The following GLCCI1 variants were observed in gnomAD, a reference collection of about 807,000 sequenced individuals.
The protein encoded by GLCCI1 is glucocorticoid induced 1.
In GLCCI1, 24 loss-of-function variants were observed where a neutral mutation model predicts 52.2. The observed-to-expected ratio is 0.46, with a 90% CI of 0.33 to 0.65. The LOEUF (loss-of-function observed/expected upper bound fraction) is 0.65. GLCCI1 is among the 30% of genes least tolerant of loss of function. The probability of loss-of-function intolerance (pLI) is 0.02; values close to 1 mark genes in which losing one functional copy is unlikely to be tolerated. For synonymous variants in GLCCI1, 310 were observed against 276.5 expected (o/e 1.12, Z -1.20); for missense variants, 704 against 701.5 (o/e 1.00, Z -0.04).
intron 3 of GLCCI1, among the ~76,000 whole-genome samples, chr7:8,033,438 G>A (rs773512272): frequency 2.6e-5 from 4 of 151,864 alleles, no homozygotes; most frequent in Admixed American, 6.6e-5. Flanking sequence ...AAAGACATTC[G>A]GATTGTAAAG....
At chr7:8,043,518 A>G (rs1372917759) in intron 3 of GLCCI1, among the ~76,000 whole-genome samples, 1 of 152,240 alleles carries the variant, frequency 6.6e-6, no homozygotes, top group Non-Finnish European at 1.5e-5. Context: ...AAATTGCAGA[A>G]AAGGCAAATC....
intron 3 of GLCCI1, among the ~76,000 whole-genome samples, chr7:8,051,601 C>CCTT (rs565251541): frequency 5.6e-4 from 86 of 152,268 alleles, no homozygotes; most frequent in African/African-American, 1.9e-3. Context: ...AAAAGAACAC[C>CCTT]CTTCACCCCC....
At chr7:8,007,666 A>G (rs1022382854) in intron 2 of GLCCI1, among the ~76,000 whole-genome samples, 6 of 152,172 alleles carry the variant, frequency 3.9e-5, no homozygotes, top group Non-Finnish European at 8.8e-5. Flanking sequence ...TGTAGTGGAC[A>G]TTGGTGGAAG....
intron 3 of GLCCI1, among the ~76,000 whole-genome samples, chr7:8,051,182 A>G (rs1025674037): frequency 6.6e-6 from 1 of 152,234 alleles, no homozygotes; most frequent in Admixed American, 6.5e-5. Context: ...AATTTCTATT[A>G]TAGGAATATC....
rs145140002 is a variant in GLCCI1 at position 7,999,510 on chromosome 7, C to T, written c.458-4398C>T. On this transcript the variant is annotated intron_variant, in intron 1 of 7. Coordinates refer to ENST00000223145, the MANE Select transcript of GLCCI1 (RefSeq NM_138426.4). Reference sequence around the variant, plus strand: ...ATAGTCCTAACTACTGTAGAGCTGACGTGGGAGGATAGCTTGAGCCCAGGA... The same window carrying T: ...ATAGTCCTAACTACTGTAGAGCTGATGTGGGAGGATAGCTTGAGCCCAGGA... Among the ~76,000 whole-genome samples the T allele has an allele frequency of 6.1e-3, 926 of 152,086 alleles. 11 individuals are homozygous for T. The highest frequency in any genetic ancestry group is 0.019 in the African/African-American group (790 of 41,488).
chr7:8,051,276 G>A (rs757187302), intron 3 of GLCCI1, among the ~76,000 whole-genome samples: 3 of 152,240 alleles, frequency 2.0e-5, no homozygotes, highest in Non-Finnish European at 2.9e-5. Flanking sequence ...TGTATTTGCA[G>A]AGGTCTTCTA....
At chr7:8,000,727 A>G (rs573610491) in intron 1 of GLCCI1, among the ~76,000 whole-genome samples, 1 of 380 alleles carries the variant, frequency 2.6e-3, no homozygotes, top group Non-Finnish European at 4.5e-3. Flanking sequence ...GACAAATTAT[A>G]ATATGATGCA....
At chr7:8,040,889 G>A (rs1222996563) in intron 3 of GLCCI1, among the ~76,000 whole-genome samples, 2 of 152,084 alleles carry the variant, frequency 1.3e-5, no homozygotes, top group Non-Finnish European at 1.5e-5. Context: ...CTTATTTCCT[G>A]AGACACAATA....
intron 2 of GLCCI1, among the ~76,000 whole-genome samples, chr7:8,014,522 T>G (rs529458440): frequency 4.1e-4 from 62 of 152,354 alleles, no homozygotes; most frequent in Admixed American, 1.0e-3. Context: ...TATTCAGCAA[T>G]GAGTTCTTAA....
At chr7:7,978,716 T>C (rs1780549456) in intron 1 of GLCCI1, among the ~76,000 whole-genome samples, 1 of 152,158 alleles carries the variant, frequency 6.6e-6, no homozygotes, top group African/African-American at 2.4e-5. Context: ...ACTTTTCTAG[T>C]TAAATATATC....
intron 5 of GLCCI1, among the ~76,000 whole-genome samples, chr7:8,063,083 C>CAGT (rs1782551834): frequency 6.6e-6 from 1 of 152,178 alleles, no homozygotes; most frequent in African/African-American, 2.4e-5. Flanking sequence ...TTCCCACCAG[C>CAGT]AGTGTATAAG....
rs1232699050 is a variant in GLCCI1, at chr7:8,088,173, G to A, written c.*1635G>A. 3 of 152,024 alleles carry A rather than the reference G, an allele frequency of 2.0e-5. No individual in the cohort carries two copies. The highest frequency in any genetic ancestry group is 4.4e-5 in the Non-Finnish European group (3 of 67,978). 9.4% of individuals were successfully genotyped at this position (152,024 alleles called of 1,614,324 possible). The stretch of plus-strand genomic sequence containing the variant: ...TTTTCTAAGAAGGTTGAAGAAGGAT[G>A]AGTGATAGAGAAGAAAGCAACACCA... On this transcript the variant is annotated 3_prime_UTR_variant, in exon 8 of 8. Coordinates refer to ENST00000223145, the MANE Select transcript of GLCCI1 (RefSeq NM_138426.4).
intron 3 of GLCCI1, among the ~76,000 whole-genome samples, chr7:8,039,692 G>A (rs558540510): frequency 1.3e-5 from 2 of 152,218 alleles, no homozygotes; most frequent in East Asian, 1.9e-4. Context: ...TTAGGTGATG[G>A]TTCCACTAAA....
rs117057341 is a variant in GLCCI1 at position 8,031,911 on chromosome 7, T to C, written c.696+9342T>C. ...AAGGAACTTAAAACAATCATAAGGA[T>C]ATATGCATCTAACATCTGCATTTCA... On this transcript the variant is annotated intron_variant, in intron 3 of 7. Coordinates refer to ENST00000223145, the MANE Select transcript of GLCCI1 (RefSeq NM_138426.4). 8.5e-5 allele frequency among the ~76,000 whole-genome samples: 13 copies of C among 152,140 alleles called. No homozygotes were observed. In the East Asian group the frequency reaches 2.3e-3, roughly 27 times the overall value.
At chr7:7,984,284 T>C (rs999657230) in intron 1 of GLCCI1, among the ~76,000 whole-genome samples, 1 of 152,162 alleles carries the variant, frequency 6.6e-6, no homozygotes, top group African/African-American at 2.4e-5. Context: ...GGTCTTGAAC[T>C]CCTGGGCTCA....
rs35255634 is a variant in GLCCI1 at position 7,976,479 on chromosome 7, C to CAAAAAAAAAAA, written c.457+6681_457+6691dup. Among the ~76,000 whole-genome samples the CAAAAAAAAAAA allele has an allele frequency of 8.7e-3, 215 of 24,636 alleles. 18 individuals carry two copies. The highest frequency in any genetic ancestry group is 0.012 in the Admixed American group (20 of 1,692). The allele number at this position is 24,636 out of a possible 152,430, so 16.2% of individuals were successfully genotyped here. ...GGGCAACAAGAGTGAAACTCCATCT[C>CAAAAAAAAAAA]AAAAAAAAAAAAAAAAAAAGGAAAG... On this transcript the variant is annotated intron_variant, in intron 1 of 7. Coordinates refer to ENST00000223145, the MANE Select transcript of GLCCI1 (RefSeq NM_138426.4).
chr7:8,027,668 G>T (rs1299868079), intron 3 of GLCCI1, among the ~76,000 whole-genome samples: 1 of 150,780 alleles, frequency 6.6e-6, no homozygotes, highest in African/African-American at 2.4e-5. Flanking sequence ...AAAAGACAAC[G>T]AGTGGCTGAA....
At chr7:8,083,775 G>T (rs1363080725) in intron 6 of GLCCI1, among the ~76,000 whole-genome samples, 2 of 152,116 alleles carry the variant, frequency 1.3e-5, no homozygotes, top group Non-Finnish European at 2.9e-5. Flanking sequence ...GCATAAATCT[G>T]CATTCACAAG....
At chr7:8,033,994 T>C (rs146189827) in intron 3 of GLCCI1, among the ~76,000 whole-genome samples, 1 of 152,274 alleles carries the variant, frequency 6.6e-6, no homozygotes, top group Non-Finnish European at 1.5e-5. Flanking sequence ...TATTACACTA[T>C]TTCAATGTTT....
Sources: gnomAD v4.1 joint callset for allele counts (sites outside exome capture counted in the v4.1 genomes callset) on GRCh38, gnomAD v4.1.1 for gene constraint, MANE v1.5 for transcripts, NCBI Gene and HGNC (gene_info 2026-07-23, HGNC 2026-07-21) for gene names.